The following ONECUT2 variants were observed in gnomAD, a reference collection of about 807,000 sequenced individuals.
ONECUT2 encodes the protein one cut homeobox 2, also known as one cut domain family member 2.
Under a neutral mutation model 27.9 loss-of-function variants are expected in ONECUT2, and 10 were observed. The observed-to-expected ratio is 0.36, with a 90% CI of 0.22 to 0.61. The LOEUF is 0.61. Ranked by LOEUF, ONECUT2 falls within the 20% of genes least tolerant of loss-of-function variation. ONECUT2 has a pLI of 0.73. For synonymous variants in ONECUT2, 334 were observed against 315.1 expected, an observed-to-expected ratio of 1.06 and a Z score of -0.64; for missense variants, 686 against 721.0, an observed-to-expected ratio of 0.95 and a Z score of 0.56.
chr18:57,456,402 G>C (rs145804361), intron 1 of ONECUT2, among the ~76,000 whole-genome samples: 1 of 152,320 alleles, frequency 6.6e-6, no homozygotes, highest in East Asian at 1.9e-4. Flanking sequence ...ATATTATTTA[G>C]CCTTAAAAAG....
rs141218797 is a variant in ONECUT2, at chr18:57,454,849, G to A, written c.1228+17905G>A. 7.8e-4 allele frequency among the ~76,000 whole-genome samples: 119 copies of A among 152,298 alleles called. 1 individual carries two copies. The highest frequency in any genetic ancestry group is 2.7e-3 in the African/African-American group (113 of 41,572). ...TTGCTAAGCTCGTGCTTAGAACCCA[G>A]AAGTTGACTGTGCACACAGTAGGTT... On this transcript the variant is annotated intron_variant, in intron 1 of 1. Coordinates refer to ENST00000491143, the MANE Select transcript of ONECUT2 (RefSeq NM_004852.3).
In ONECUT2 at chr18:57,483,687, G is replaced by T. The variant is rs1294247875; in HGVS notation, c.*6964G>T. The T allele has an allele frequency of 6.6e-6, 1 of 152,564 alleles. No homozygotes were observed. Among genetic ancestry groups the T allele is most frequent in the Non-Finnish European group, 1.5e-5 (1 of 68,022 alleles). 9.5% of individuals were successfully genotyped at this position (152,564 alleles called of 1,614,324 possible). A position where few individuals can be genotyped will look rare whatever the true frequency, so the allele number is the denominator to read the frequency against. On this transcript the variant is annotated 3_prime_UTR_variant, in exon 2 of 2. Coordinates refer to ENST00000491143, the MANE Select transcript of ONECUT2 (RefSeq NM_004852.3). ...GTGAAATTCTGTTACAGACAGGGAA[G>T]AAATACAGGTTACAAAAAGAGAATT...
rs781769753 is a variant in ONECUT2, at chr18:57,467,116, T to C, written c.1229-9321T>C. The C allele has an allele frequency of 4.6e-5, 21 of 455,130 alleles. 2 individuals are homozygous for C. Among genetic ancestry groups the C allele is most frequent in the South Asian group, 3.3e-4 (21 of 64,176 alleles). The allele number at this position is 455,130 out of a possible 1,614,324, so 28.2% of individuals were successfully genotyped here. A position where few individuals can be genotyped will look rare whatever the true frequency, so the allele number is the denominator to read the frequency against. On this transcript the variant is annotated intron_variant, in intron 1 of 1. Transcript: ENST00000491143. The stretch of plus-strand genomic sequence containing the variant: ...TGAGTCCCCTTCAGTGACTTTGTAT[T>C]GAAAGTAAAAATAGAGACAGGAAAT...
In ONECUT2 at chr18:57,480,252, C is replaced by G. The variant is rs2050409061; in HGVS notation, c.*3529C>G. The G allele has an allele frequency of 6.6e-6, 1 of 152,186 alleles. No homozygotes were observed. Among genetic ancestry groups the G allele is most frequent in the Non-Finnish European group, 1.5e-5 (1 of 68,040 alleles). The allele number at this position is 152,186 out of a possible 1,614,324, so 9.4% of individuals were successfully genotyped here. A position where few individuals can be genotyped will look rare whatever the true frequency, so the allele number is the denominator to read the frequency against. ...TGTGTCCCTTTGTCCCTTGCTCATACTCCATGTTTCCTTTGTCAAAGGACT... is the reference window on the plus strand; with the variant it reads ...TGTGTCCCTTTGTCCCTTGCTCATAGTCCATGTTTCCTTTGTCAAAGGACT... On this transcript the variant is annotated 3_prime_UTR_variant, in exon 2 of 2. Coordinates refer to ENST00000491143, the MANE Select transcript of ONECUT2 (RefSeq NM_004852.3).
At position 57,476,679 on chromosome 18, in the gene ONECUT2, A is replaced by G. The variant is rs2050384199; in HGVS notation, c.1471A>G (p.Thr491Ala). The change falls in exon 2 of 2, where the codon ACA (threonine) becomes GCA (alanine). Residue 491 changes from threonine to alanine, a missense_variant. Thr to Ala is a moderately conservative substitution (Grantham distance 58, BLOSUM62 0). Coordinates refer to ENST00000491143, the MANE Select transcript of ONECUT2 (RefSeq NM_004852.3). Reference protein sequence around the residue: ...SLEKWQDDLSTGGSSSTSSTC... With the variant: ...SLEKWQDDLSAGGSSSTSSTC... ...GGAGAAGTGGCAAGACGATCTGAGC[A>G]CAGGGGGCTCCTCGTCCACCTCCAG... is the stretch of plus-strand genomic sequence containing the variant. 1 of 1,614,196 alleles carries G rather than the reference A, an allele frequency of 6.2e-7. No homozygotes were observed.
Position 57,477,544 on chromosome 18 carries a change from G to A in ONECUT2, c.*821G>A, listed in dbSNP as rs760103829. ...GAAGGTTCTGGGTTCACTACATCTG[G>A]ATTTTCAAGACACCTATTGTGAAGT... On this transcript the variant is annotated 3_prime_UTR_variant, in exon 2 of 2. Transcript: ENST00000491143. The A allele has an allele frequency of 5.2e-5, 8 of 152,580 alleles. No homozygotes were observed. Among genetic ancestry groups the A allele is most frequent in the Non-Finnish European group, 1.0e-4 (7 of 68,038 alleles). The allele number at this position is 152,580 out of a possible 1,614,324, so 9.5% of individuals were successfully genotyped here.
chr18:57,455,519 G>A (rs1598935892), intron 1 of ONECUT2, among the ~76,000 whole-genome samples: 1 of 152,250 alleles, frequency 6.6e-6, no homozygotes, highest in East Asian at 1.9e-4. Context: ...GTGGCTTCCA[G>A]TTAATTCACT....
chr18:57,475,151 G>A (rs1414804573), intron 1 of ONECUT2, among the ~76,000 whole-genome samples: 3 of 148,572 alleles, frequency 2.0e-5, no homozygotes, highest in South Asian at 4.3e-4. Context: ...CCACCTCCTG[G>A]GTTCAAGCGA....
rs537910372 is a variant in ONECUT2, at chr18:57,457,525, C to T, written c.1229-18912C>T. Among the ~76,000 whole-genome samples the T allele has an allele frequency of 5.3e-5, 8 of 152,324 alleles. No homozygotes were observed. In the South Asian group the frequency reaches 1.0e-3, roughly 20 times the overall value. On this transcript the variant is annotated intron_variant, in intron 1 of 1. Transcript: ENST00000491143. ...TCCCTCCCCTCTGCTTCCCTAGACC[C>T]CTCCGGAGGACCAGTGCTCACTGCA... is the stretch of plus-strand genomic sequence containing the variant.
At chr18:57,465,078 C>T (rs1435588620) in intron 1 of ONECUT2, among the ~76,000 whole-genome samples, 2 of 152,102 alleles carry the variant, frequency 1.3e-5, no homozygotes, top group East Asian at 3.9e-4. Context: ...CAGTTTTGCT[C>T]TTAATTTCCT....
chr18:57,452,627 G>T (rs899216415), intron 1 of ONECUT2, among the ~76,000 whole-genome samples: 4 of 152,178 alleles, frequency 2.6e-5, no homozygotes, highest in Admixed American at 2.0e-4. Flanking sequence ...GTTTTGCCAT[G>T]TTGGCCAGGC....
chr18:57,479,460 G>C lies in ONECUT2; in HGVS notation c.*2737G>C, dbSNP rs979159973. The C allele has an allele frequency of 6.6e-6, 1 of 152,600 alleles. No homozygotes were observed. The highest frequency in any genetic ancestry group is 1.5e-5 in the Non-Finnish European group (1 of 68,034). The allele number at this position is 152,600 out of a possible 1,614,324, so 9.5% of individuals were successfully genotyped here. A position where few individuals can be genotyped will look rare whatever the true frequency, so the allele number is the denominator to read the frequency against. The stretch of plus-strand genomic sequence containing the variant: ...CTTCATTTGCTAAGTATTCGGTTCA[G>C]AATTTTTCTCATTTCTCATGCCATT... On this transcript the variant is annotated 3_prime_UTR_variant, in exon 2 of 2. Coordinates refer to ENST00000491143, the MANE Select transcript of ONECUT2 (RefSeq NM_004852.3).
intron 1 of ONECUT2, among the ~76,000 whole-genome samples, chr18:57,448,630 C>T (rs2050214246): frequency 6.6e-6 from 1 of 152,208 alleles, no homozygotes; most frequent in Non-Finnish European, 1.5e-5. Flanking sequence ...ACTGTCAAAA[C>T]CTTTTCCAGT....
chr18:57,448,450 T>C (rs1432203454), intron 1 of ONECUT2, among the ~76,000 whole-genome samples: 1 of 152,226 alleles, frequency 6.6e-6, no homozygotes. Flanking sequence ...AAATTGTTTC[T>C]GTGTGTCTAA....
At chr18:57,461,987 A>G (rs2050294521) in intron 1 of ONECUT2, among the ~76,000 whole-genome samples, 1 of 152,214 alleles carries the variant, frequency 6.6e-6, no homozygotes, top group Non-Finnish European at 1.5e-5. Flanking sequence ...ATATTCAACC[A>G]TTGCAGATAC....
chr18:57,464,050 A>G (rs1270367315), intron 1 of ONECUT2, among the ~76,000 whole-genome samples: 1 of 151,530 alleles, frequency 6.6e-6, no homozygotes, highest in Non-Finnish European at 1.5e-5. Flanking sequence ...TTTCTGGCTG[A>G]AGACGCTGTT....
chr18:57,472,398 G>C (rs1222252748), intron 1 of ONECUT2, among the ~76,000 whole-genome samples: 2 of 152,180 alleles, frequency 1.3e-5, no homozygotes, highest in Admixed American at 1.3e-4. Flanking sequence ...TTCAAGGCAG[G>C]TGTTCTCCCT....
chr18:57,437,334 C>T (rs1349228625), intron 1 of ONECUT2, among the ~76,000 whole-genome samples: 1 of 152,196 alleles, frequency 6.6e-6, no homozygotes, highest in Non-Finnish European at 1.5e-5. Context: ...GAAACCAGGA[C>T]CTGCCCTTAT....
chr18:57,436,523 G>C lies in ONECUT2; in HGVS notation c.807G>C (p.Met269Ile). Residue 269 changes from methionine to isoleucine, a missense_variant, in exon 1 of 2, where the codon ATG (methionine) becomes ATC (isoleucine). Met to Ile is a conservative substitution (Grantham distance 10). Transcript: ENST00000491143. The surrounding 1 kb of genome is among the most constrained non-coding windows in gnomAD (Gnocchi z 5.9). ...SPNFDAHHTA[M>I]LTRGEQHLSR... is the part of the protein sequence containing the mutation. ...ACTTCGACGCGCACCACACTGCCAT[G>C]CTGACCCGCGGTGAGCAACACCTGT... 1 of 1,612,964 alleles carries C rather than the reference G, an allele frequency of 6.2e-7. No homozygotes were observed. Among genetic ancestry groups the C allele is most frequent in the Non-Finnish European group, 8.5e-7 (1 of 1,179,916 alleles).
Sources: allele counts gnomAD v4.1 joint callset (sites outside exome capture counted in the v4.1 genomes callset), GRCh38; gene constraint gnomAD v4.1.1; non-coding constraint Gnocchi (gnomAD v3.1); transcripts MANE v1.5; gene names NCBI Gene and HGNC (gene_info 2026-07-23, HGNC 2026-07-21).